Variants in MACROD2 observed in about 807,000 individuals in gnomAD.
MACROD2 encodes mono-ADP ribosylhydrolase 2.
A neutral mutation model predicts 70.4 loss-of-function variants in MACROD2; 36 were observed. The ratio of observed to expected loss-of-function variants is 0.51; its 90% CI spans 0.39 to 0.68. MACROD2 has a LOEUF of 0.68. MACROD2 is among the 30% of genes least tolerant of loss of function. The probability of loss-of-function intolerance (pLI) is 0.00; values close to 1 mark genes in which losing one functional copy is unlikely to be tolerated. For synonymous variants in MACROD2, 172 were observed against 178.8 expected (o/e 0.96, Z 0.30); for missense variants, 496 against 538.4 (o/e 0.92, Z 0.78).
chr20:14,779,696 T>G (rs2072276203), intron 5 of MACROD2, among the ~76,000 whole-genome samples: 1 of 152,162 alleles, frequency 6.6e-6, no homozygotes, highest in African/African-American at 2.4e-5. Context: ...GAATGTTTAA[T>G]AGGCCAATAA....
intron 1 of MACROD2, among the ~76,000 whole-genome samples, chr20:14,001,446 G>A (rs1375171114): frequency 1.3e-5 from 2 of 151,458 alleles, no homozygotes; most frequent in Admixed American, 1.3e-4. Context: ...AATTGATAGT[G>A]CAGTTGAGGA....
At chr20:15,747,639 A>G (rs943665356) in intron 8 of MACROD2, among the ~76,000 whole-genome samples, 1 of 152,128 alleles carries the variant, frequency 6.6e-6, no homozygotes, top group South Asian at 2.1e-4. Context: ...ACTTTTGTAT[A>G]TTAAATTTGT....
intron 3 of MACROD2, among the ~76,000 whole-genome samples, chr20:14,190,285 C>T (rs1372621882): frequency 6.6e-6 from 1 of 152,130 alleles, no homozygotes; most frequent in East Asian, 1.9e-4. Context: ...GAAGCCCAGA[C>T]ACAACATTTA....
At chr20:14,753,387 T>C (rs562305538) in intron 5 of MACROD2, among the ~76,000 whole-genome samples, 1 of 152,234 alleles carries the variant, frequency 6.6e-6, no homozygotes, top group African/African-American at 2.4e-5. Flanking sequence ...ACATAAAATA[T>C]GTTCAATATA....
intron 4 of MACROD2, among the ~76,000 whole-genome samples, chr20:14,503,509 A>T (rs1568643074): frequency 6.6e-6 from 1 of 152,214 alleles, no homozygotes; most frequent in Non-Finnish European, 1.5e-5. Flanking sequence ...GGGGAGAATC[A>T]GTGGATTCAG....
At chr20:15,724,978 A>T (rs755584486) in intron 8 of MACROD2, among the ~76,000 whole-genome samples, 35 of 152,264 alleles carry the variant, frequency 2.3e-4, no homozygotes, top group Non-Finnish European at 1.5e-4. Flanking sequence ...GCTACTTGGG[A>T]GGCTGAGGCA....
chr20:14,263,412 C>T (rs1306717738), intron 3 of MACROD2, among the ~76,000 whole-genome samples: 2 of 152,046 alleles, frequency 1.3e-5, no homozygotes, highest in African/African-American at 4.8e-5. Flanking sequence ...TGTCTGTTAC[C>T]CTTTGAAGGA....
At chr20:15,899,614 T>G (rs1395408492) in intron 10 of MACROD2, among the ~76,000 whole-genome samples, 5 of 152,228 alleles carry the variant, frequency 3.3e-5, no homozygotes, top group Non-Finnish European at 5.9e-5. Context: ...CATACCTGAG[T>G]CTCCAAAGCC....
intron 3 of MACROD2, among the ~76,000 whole-genome samples, chr20:14,260,337 T>C (rs1211360177): frequency 6.6e-6 from 1 of 152,226 alleles, no homozygotes; most frequent in African/African-American, 2.4e-5. Flanking sequence ...TAGTGGAGAC[T>C]GTCAGAATTA....
At chr20:14,439,175 G>T (rs547621819) in intron 3 of MACROD2, among the ~76,000 whole-genome samples, 3 of 151,974 alleles carry the variant, frequency 2.0e-5, no homozygotes, top group African/African-American at 4.8e-5. Flanking sequence ...TCCTCTTTGC[G>T]TCCAGTTGGT....
chr20:14,265,037 C>G (rs2082132729), intron 3 of MACROD2, among the ~76,000 whole-genome samples: 5 of 152,226 alleles, frequency 3.3e-5, no homozygotes, highest in Admixed American at 2.0e-4. Context: ...AGCCTTTGCT[C>G]AGTGCTGATG....
At chr20:14,571,381 T>C (rs1980180579) in intron 4 of MACROD2, among the ~76,000 whole-genome samples, 1 of 152,090 alleles carries the variant, frequency 6.6e-6, no homozygotes, top group Non-Finnish European at 1.5e-5. Context: ...AGTCATGAAG[T>C]CCAGATGATT....
chr20:13,999,129 T>C (rs1569107454), intron 1 of MACROD2, among the ~76,000 whole-genome samples: 1 of 152,160 alleles, frequency 6.6e-6, no homozygotes, highest in South Asian at 2.1e-4. Flanking sequence ...TCTGCTGTGC[T>C]CTTTATCCCA....
chr20:15,758,237 CTT>C lies in MACROD2; in HGVS notation c.646-104490_646-104489del, dbSNP rs397793806. On this transcript the variant is annotated intron_variant, in intron 8 of 17. Coordinates refer to ENST00000684519, the MANE Select transcript of MACROD2 (RefSeq NM_001351661.2). ...TTTGGAATAATACATTCCTGTAATT[CTT>C]TTTTTTTTTTTTTTTTTGAGGTGGA... 1.1e-3 allele frequency among the ~76,000 whole-genome samples: 140 copies of C among 122,084 alleles called. 1 individual carries two copies. Among genetic ancestry groups the C allele is most frequent in the African/African-American group, 2.8e-3 (92 of 32,768 alleles). The allele number at this position is 122,084 out of a possible 152,430, so 80.1% of individuals were successfully genotyped here.
chr20:14,904,732 G>A (rs6042989), intron 5 of MACROD2, among the ~76,000 whole-genome samples: 135,148 of 152,194 alleles, frequency 0.89, 60,063 homozygotes, highest in East Asian at 1. Flanking sequence ...AACAATAGCT[G>A]TTTATCAAAC....
At chr20:15,710,776 C>T (rs954335637) in intron 8 of MACROD2, among the ~76,000 whole-genome samples, 5 of 152,196 alleles carry the variant, frequency 3.3e-5, no homozygotes, top group Admixed American at 2.6e-4. Context: ...CTGTTTTTGG[C>T]GGAAATTGTC....
intron 13 of MACROD2, among the ~76,000 whole-genome samples, chr20:15,973,785 T>C (rs2066265569): frequency 6.6e-6 from 1 of 152,206 alleles, no homozygotes; most frequent in Non-Finnish European, 1.5e-5. Flanking sequence ...AAGAACTACT[T>C]CTATTTGAAC....
At chr20:14,994,464 G>A (rs1177197754) in intron 5 of MACROD2, among the ~76,000 whole-genome samples, 2 of 152,056 alleles carry the variant, frequency 1.3e-5, no homozygotes, top group Admixed American at 6.6e-5. Flanking sequence ...CAGATGGCAC[G>A]GGAGCAGGTT....
At position 15,096,919 on chromosome 20, in the gene MACROD2, A is replaced by G. The variant is rs147402435; in HGVS notation, c.419-133021A>G. On this transcript the variant is annotated intron_variant, in intron 5 of 17. Coordinates refer to ENST00000684519, the MANE Select transcript of MACROD2 (RefSeq NM_001351661.2). ...CTCCATCTCCTGGGTTCAAGCAATT[A>G]TCTTACCTCAGCCTCCCAAGTAGAG... 2.1e-4 allele frequency among the ~76,000 whole-genome samples: 30 copies of G among 145,792 alleles called. 1 individual carries two copies. Among genetic ancestry groups the G allele is most frequent in the African/African-American group, 6.7e-4 (26 of 39,024 alleles).
Sources: gnomAD v4.1 joint callset for allele counts (sites outside exome capture counted in the v4.1 genomes callset) on GRCh38, gnomAD v4.1.1 for gene constraint, MANE v1.5 for transcripts, NCBI Gene and HGNC (gene_info 2026-07-23, HGNC 2026-07-21) for gene names.